The following FMNL2 variants were observed in gnomAD, a reference collection of about 807,000 sequenced individuals.
FMNL2 encodes the protein formin-like protein 2.
FMNL2 carries 51 observed loss-of-function variants against 130.2 expected under a neutral mutation model. The observed-to-expected ratio is 0.39, with a 90% confidence interval of 0.31 to 0.49. The LOEUF (loss-of-function observed/expected upper bound fraction) is 0.49, where lower values mean the gene tolerates loss of function less well. FMNL2 is among the 20% of genes least tolerant of loss of function. The probability of loss-of-function intolerance (pLI) is 0.85; values close to 1 mark genes in which losing one functional copy is unlikely to be tolerated. For synonymous variants in FMNL2, 465 were observed against 467.1 expected (o/e 1.00, Z 0.06); for missense variants, 977 against 1,316.2 (o/e 0.74, Z 3.99).
At chr2:152,402,155 G>A (rs1256971072) in intron 1 of FMNL2, among the ~76,000 whole-genome samples, 1 of 151,996 alleles carries the variant, frequency 6.6e-6, no homozygotes, top group East Asian at 1.9e-4. Flanking sequence ...GCCCGCCTTG[G>A]CCTCCCAAAG....
intron 14 of FMNL2, 55 bp from the exon 15 acceptor site, chr2:152,619,454 C>T: frequency 6.5e-7 from 1 of 1,547,448 alleles, no homozygotes; most frequent in South Asian, 1.2e-5. Context: ...TGGCTTATTG[C>T]AGGAAAGCCA....
chr2:152,370,362 T>C (rs1683807141), intron 1 of FMNL2, among the ~76,000 whole-genome samples: 1 of 152,206 alleles, frequency 6.6e-6, no homozygotes. Context: ...GACTCTGCTG[T>C]CATGACCTGT....
chr2:152,370,059 G>A (rs1318134074), intron 1 of FMNL2, among the ~76,000 whole-genome samples: 1 of 152,182 alleles, frequency 6.6e-6, no homozygotes, highest in Non-Finnish European at 1.5e-5. Flanking sequence ...AAAAAATTCT[G>A]ATGACTAAAG....
Position 152,335,352 on chromosome 2 carries a change from A to G in FMNL2, c.-252A>G, listed in dbSNP as rs10200831. ...CATGCACATAGGCGCCCAGCGCCCCAACTACCCCTCCCGAGGAAAAGAGGC... is the reference window on the plus strand; with the variant it reads ...CATGCACATAGGCGCCCAGCGCCCCGACTACCCCTCCCGAGGAAAAGAGGC... On this transcript the variant is annotated 5_prime_UTR_variant, in exon 1 of 26. Coordinates refer to ENST00000288670, the MANE Select transcript of FMNL2 (RefSeq NM_052905.4). The G allele has an allele frequency of 0.99, 229,408 of 231,230 alleles. 113,834 individuals carry two copies. The highest frequency in any genetic ancestry group is 1 in the Middle Eastern group (698 of 698). 14.3% of individuals were successfully genotyped at this position (231,230 alleles called of 1,614,324 possible).
In FMNL2 at chr2:152,628,507, G is replaced by A. The variant is rs369771939; in HGVS notation, c.2374G>A (p.Ala792Thr). 8.7e-6 allele frequency: 14 copies of A among 1,613,902 alleles called. No individual in the cohort carries two copies. The highest frequency in any genetic ancestry group is 1.1e-5 in the Non-Finnish European group (13 of 1,179,892). Residue 792 changes from alanine to threonine, a missense_variant, in exon 18 of 26, where the codon GCT becomes ACT. Ala to Thr is a moderately conservative substitution (Grantham distance 58). This residue lies in a region of FMNL2 where 689 missense variants were observed against 995.9 expected (regional missense o/e 0.69). Transcript: ENST00000288670. ...CATCATGGCCTTCATTGGGAACTTT[G>A]CTGAAAGCATTCAGATGCTGACTCC... is the stretch of plus-strand genomic sequence containing the variant. ...MTIMAFIGNF[A>T]ESIQMLTPQL...
At chr2:152,374,000 G>A (rs1386514683) in intron 1 of FMNL2, among the ~76,000 whole-genome samples, 1 of 152,038 alleles carries the variant, frequency 6.6e-6, no homozygotes, top group Non-Finnish European at 1.5e-5. Context: ...TGGTTATATG[G>A]GCAGAGGAAA....
chr2:152,362,460 G>A (rs1190169083), intron 1 of FMNL2, among the ~76,000 whole-genome samples: 3 of 152,168 alleles, frequency 2.0e-5, no homozygotes, highest in African/African-American at 7.2e-5. Context: ...AACCCCTGTA[G>A]AGGATTTAAT....
intron 1 of FMNL2, among the ~76,000 whole-genome samples, chr2:152,369,599 C>T (rs960816833): frequency 6.6e-6 from 1 of 152,184 alleles, no homozygotes; most frequent in Non-Finnish European, 1.5e-5. Context: ...GCACTTACTG[C>T]GTGCCGATTG....
At chr2:152,646,898 A>G (rs1683635078) in intron 25 of FMNL2, among the ~76,000 whole-genome samples, 1 of 152,222 alleles carries the variant, frequency 6.6e-6, no homozygotes, top group Admixed American at 6.5e-5. Flanking sequence ...GACTTACTCA[A>G]GAAAGCATGC....
intron 9 of FMNL2, among the ~76,000 whole-genome samples, chr2:152,598,204 G>A (rs1354643280): frequency 6.6e-6 from 1 of 152,196 alleles, no homozygotes; most frequent in Admixed American, 6.5e-5. Context: ...ATAACCCCTA[G>A]AGATGTCATT....
chr2:152,476,987 A>T (rs16831171), intron 1 of FMNL2, among the ~76,000 whole-genome samples: 18,645 of 152,184 alleles, frequency 0.12, 1,445 homozygotes, highest in Middle Eastern at 0.31. Context: ...TTTGTGTAAG[A>T]TCTTATTTAT....
At chr2:152,348,796 A>G (rs1682280767) in intron 1 of FMNL2, among the ~76,000 whole-genome samples, 1 of 136,990 alleles carries the variant, frequency 7.3e-6, no homozygotes, top group Non-Finnish European at 1.5e-5. Context: ...GTGCTCTCCA[A>G]TTGTCTTCTG....
intron 2 of FMNL2, among the ~76,000 whole-genome samples, chr2:152,524,201 C>A (rs1693259093): frequency 6.6e-6 from 1 of 152,116 alleles, no homozygotes; most frequent in Non-Finnish European, 1.5e-5. Context: ...ATGACAGATG[C>A]TGATAGGAAT....
At chr2:152,592,588 A>G (rs1203961522) in intron 9 of FMNL2, among the ~76,000 whole-genome samples, 2 of 152,246 alleles carry the variant, frequency 1.3e-5, no homozygotes, top group African/African-American at 4.8e-5. Context: ...ATGCAGAAAT[A>G]GTAAGGCTAC....
chr2:152,395,262 A>G (rs1314374320), intron 1 of FMNL2, among the ~76,000 whole-genome samples: 3 of 152,196 alleles, frequency 2.0e-5, no homozygotes, highest in African/African-American at 7.2e-5. Context: ...GTGGGACATG[A>G]GGTGGCAAAC....
At chr2:152,479,061 A>G (rs1426962135) in intron 1 of FMNL2, among the ~76,000 whole-genome samples, 2 of 152,208 alleles carry the variant, frequency 1.3e-5, no homozygotes, top group Non-Finnish European at 2.9e-5. Flanking sequence ...AATATGAGAT[A>G]AATTTTAGAA....
intron 1 of FMNL2, among the ~76,000 whole-genome samples, chr2:152,401,830 G>T (rs1277775247): frequency 6.7e-6 from 1 of 149,324 alleles, no homozygotes; most frequent in Non-Finnish European, 1.5e-5. Flanking sequence ...CTTGAAAATT[G>T]ACCAAAAAGA....
intron 1 of FMNL2, among the ~76,000 whole-genome samples, chr2:152,447,909 A>G (rs374191564): frequency 6.6e-6 from 1 of 152,244 alleles, no homozygotes; most frequent in African/African-American, 2.4e-5. Flanking sequence ...GACAGTAGGT[A>G]TATAACAGTG....
At chr2:152,336,762 C>T (rs1205209294) in intron 1 of FMNL2, among the ~76,000 whole-genome samples, 3 of 152,184 alleles carry the variant, frequency 2.0e-5, no homozygotes, top group African/African-American at 7.2e-5. Flanking sequence ...GGGCTCATTC[C>T]TACTCCTGAC....
Sources: allele counts gnomAD v4.1 joint callset (sites outside exome capture counted in the v4.1 genomes callset), GRCh38; gene constraint gnomAD v4.1.1; regional missense constraint gnomAD v4.1.1; transcripts MANE v1.5; gene names NCBI Gene and HGNC (gene_info 2026-07-23, HGNC 2026-07-21).